The following PLPPR1 variants were observed in gnomAD, a reference collection of about 807,000 sequenced individuals.
The protein encoded by PLPPR1 is phospholipid phosphatase related 1, also known as phospholipid phosphatase-related protein type 1.
A neutral mutation model predicts 33.1 loss-of-function variants in PLPPR1; 10 were observed. The ratio of observed to expected loss-of-function variants is 0.30; its 90% CI spans 0.19 to 0.51. The LOEUF (loss-of-function observed/expected upper bound fraction) is 0.51. Ranked by LOEUF, PLPPR1 falls within the 20% of genes least tolerant of loss-of-function variation. The pLI is 0.97. For missense variants in PLPPR1, 304 were observed against 408.1 expected (o/e 0.74, Z 2.20); for synonymous variants, 151 against 151.0 (o/e 1.00, Z 0.00).
chr9:101,113,174 A>T (rs1327658993), intron 1 of PLPPR1, among the ~76,000 whole-genome samples: 3 of 150,354 alleles, frequency 2.0e-5, no homozygotes, highest in African/African-American at 7.3e-5. Flanking sequence ...GAATAATTTT[A>T]TTCTCTTGCT....
At chr9:101,196,851 C>T (rs918329031) in intron 2 of PLPPR1, among the ~76,000 whole-genome samples, 2 of 148,170 alleles carry the variant, frequency 1.3e-5, no homozygotes, top group African/African-American at 5.0e-5. Context: ...GGCGACAGAG[C>T]AAGACTCTGT....
chr9:101,066,736 A>G (rs1830420303), intron 1 of PLPPR1, among the ~76,000 whole-genome samples: 1 of 151,952 alleles, frequency 6.6e-6, no homozygotes, highest in South Asian at 2.1e-4. Context: ...TCTGGCACTA[A>G]AAGGTGTTCC....
chr9:101,322,115 T>C (rs1829163112), intron 7 of PLPPR1, among the ~76,000 whole-genome samples: 1 of 143,304 alleles, frequency 7.0e-6, no homozygotes, highest in Admixed American at 7.3e-5. Context: ...ACACAATCGC[T>C]TGAACCCAAG....
intron 4 of PLPPR1, among the ~76,000 whole-genome samples, chr9:101,286,527 G>A (rs1479754622): frequency 6.6e-6 from 1 of 152,140 alleles, no homozygotes; most frequent in East Asian, 1.9e-4. Flanking sequence ...AGCAGAGTCA[G>A]GCAAGGGGTT....
At chr9:101,151,792 C>T (rs558349804) in intron 1 of PLPPR1, among the ~76,000 whole-genome samples, 2 of 152,276 alleles carry the variant, frequency 1.3e-5, no homozygotes, top group African/African-American at 4.8e-5. Context: ...ACTTAAAGCA[C>T]TACTATAAAT....
intron 3 of PLPPR1, among the ~76,000 whole-genome samples, chr9:101,284,420 A>G (rs571868661): frequency 1.3e-5 from 2 of 152,334 alleles, no homozygotes; most frequent in South Asian, 2.1e-4. Context: ...TGATCTCACA[A>G]GAGGAATAAG....
intron 3 of PLPPR1, among the ~76,000 whole-genome samples, chr9:101,279,677 A>G (rs1378345572): frequency 6.6e-6 from 1 of 152,222 alleles, no homozygotes; most frequent in Middle Eastern, 3.2e-3. Context: ...TGGAAACTAT[A>G]CACACACATG....
chr9:101,308,379 G>A (rs563170560), intron 4 of PLPPR1, among the ~76,000 whole-genome samples: 1 of 152,184 alleles, frequency 6.6e-6, no homozygotes, highest in Non-Finnish European at 1.5e-5. Context: ...GAAAGATGTG[G>A]ATTATACCCT....
chr9:101,186,750 G>T (rs1334925532), intron 2 of PLPPR1, among the ~76,000 whole-genome samples: 1 of 151,732 alleles, frequency 6.6e-6, no homozygotes, highest in African/African-American at 2.4e-5. Flanking sequence ...GACATTGCTT[G>T]GTACTTTTAG....
At chr9:101,247,995 G>T (rs142873852) in intron 2 of PLPPR1, among the ~76,000 whole-genome samples, 2 of 152,048 alleles carry the variant, frequency 1.3e-5, no homozygotes, top group East Asian at 3.9e-4. Context: ...GGAAAAGGGT[G>T]GCCTAAGACT....
At chr9:101,163,086 C>G (rs1825790855) in intron 1 of PLPPR1, among the ~76,000 whole-genome samples, 4 of 152,070 alleles carry the variant, frequency 2.6e-5, no homozygotes, top group Admixed American at 2.6e-4. Context: ...AATTAGGTGT[C>G]CTGGGAATTA....
At chr9:101,155,955 A>T (rs1831680908) in intron 1 of PLPPR1, among the ~76,000 whole-genome samples, 2 of 152,302 alleles carry the variant, frequency 1.3e-5, no homozygotes, top group South Asian at 2.1e-4. Flanking sequence ...AAGAGCAAAT[A>T]TGAATATAAT....
At chr9:101,080,690 C>T (rs761408853) in intron 1 of PLPPR1, among the ~76,000 whole-genome samples, 5 of 152,108 alleles carry the variant, frequency 3.3e-5, no homozygotes, top group Admixed American at 6.5e-5. Context: ...TGCCAACCTC[C>T]GGGAACTGAG....
At chr9:101,228,529 T>G (rs2118810850) in intron 2 of PLPPR1, among the ~76,000 whole-genome samples, 1 of 152,066 alleles carries the variant, frequency 6.6e-6, no homozygotes, top group Middle Eastern at 3.4e-3. Context: ...AAAGAATAAG[T>G]ATATAAAACA....
At chr9:101,058,485 A>G (rs1830304908) in intron 1 of PLPPR1, among the ~76,000 whole-genome samples, 1 of 152,150 alleles carries the variant, frequency 6.6e-6, no homozygotes, top group Admixed American at 6.5e-5. Context: ...AAACTCAACC[A>G]TCCCAGACTA....
intron 2 of PLPPR1, among the ~76,000 whole-genome samples, chr9:101,207,670 G>A (rs1174984728): frequency 6.6e-6 from 1 of 152,146 alleles, no homozygotes; most frequent in Non-Finnish European, 1.5e-5. Flanking sequence ...CTAATGGACT[G>A]TATTTTGGCA....
intron 1 of PLPPR1, among the ~76,000 whole-genome samples, chr9:101,151,329 A>C (rs753938876): frequency 6.6e-6 from 1 of 152,224 alleles, no homozygotes; most frequent in Non-Finnish European, 1.5e-5. Flanking sequence ...TCTATAGAAA[A>C]TAATTTATGT....
chr9:101,240,790 A>G (rs1827448463), intron 2 of PLPPR1, among the ~76,000 whole-genome samples: 2 of 152,092 alleles, frequency 1.3e-5, no homozygotes, highest in Non-Finnish European at 2.9e-5. Flanking sequence ...TACAAGGCCA[A>G]CTGGATCTTT....
At position 101,324,101 on chromosome 9, in the gene PLPPR1, A is replaced by G. The variant is rs375703218; in HGVS notation, c.*44A>G. 31 of 1,552,256 alleles carry G rather than the reference A, an allele frequency of 2.0e-5. No individual in the cohort carries two copies. In the African/African-American group the frequency reaches 3.7e-4, roughly 18 times the overall value. ...AGCTGTTTTTTAAAATCATCTTCCA[A>G]TTCTATACTTCAAAACACACAGTTG... is the stretch of plus-strand genomic sequence containing the variant. On this transcript the variant is annotated 3_prime_UTR_variant, in exon 8 of 8. Coordinates refer to ENST00000374874, the MANE Select transcript of PLPPR1 (RefSeq NM_207299.2).
Sources: allele counts gnomAD v4.1 joint callset (sites outside exome capture counted in the v4.1 genomes callset), GRCh38; gene constraint gnomAD v4.1.1; transcripts MANE v1.5; gene names NCBI Gene and HGNC (gene_info 2026-07-23, HGNC 2026-07-21).